The following DMD variants were observed in gnomAD, a reference collection of about 807,000 sequenced individuals.
The protein encoded by DMD is dystrophin.
A neutral mutation model predicts 330.1 loss-of-function variants in DMD; 63 were observed. That is an observed-to-expected ratio of 0.19 (90% CI 0.16 to 0.24). The LOEUF (loss-of-function observed/expected upper bound fraction) is 0.24, where lower values mean the gene tolerates loss of function less well. Ranked by LOEUF, DMD falls within the 10% of genes least tolerant of loss-of-function variation. The pLI is 1.00. For synonymous variants in DMD, 1,223 were observed against 959.8 expected, an observed-to-expected ratio of 1.27 and a Z score of -5.07; for missense variants, 3,344 against 2,684.1, an observed-to-expected ratio of 1.25 and a Z score of -5.43.
At chrX:33,083,488 A>G (rs1418673653) in intron 1 of DMD, among the ~76,000 whole-genome samples, 2 of 111,428 alleles carry the variant, frequency 1.8e-5, no homozygotes, top group African/African-American at 6.5e-5. Flanking sequence ...TGGGCAAGGG[A>G]AAGAGCAGAT....
chrX:31,180,275 C>A (rs1342950060), intron 69 of DMD, 95 bp downstream of exon 69: 3 of 647,119 alleles, frequency 4.6e-6, no homozygotes, highest in Non-Finnish European at 7.7e-6. Flanking sequence ...GGGGAAGTGA[C>A]AAATCACAGC....
chrX:32,932,363 T>G (rs1192190427), intron 2 of DMD, among the ~76,000 whole-genome samples: 1 of 112,130 alleles, frequency 8.9e-6, no homozygotes, highest in African/African-American at 3.2e-5. Context: ...AATAGCGATG[T>G]GTGTCATATT....
intron 27 of DMD, among the ~76,000 whole-genome samples, chrX:32,442,461 C>T (rs1224173420): frequency 9.0e-6 from 1 of 111,032 alleles, no homozygotes; most frequent in Admixed American, 9.6e-5. Context: ...CAATGAGATA[C>T]CATGTTGATT....
rs2037662130 is a variant in DMD, at chrX:31,153,191, C to A, written c.10554-5673G>T. Among the ~76,000 whole-genome samples, 4 of 111,803 alleles carry A rather than the reference C, an allele frequency of 3.6e-5. No homozygotes were observed. In the South Asian group the frequency reaches 1.5e-3, roughly 42 times the overall value. ...ATTGGTTCAGGTCCTGGTTTCAAGG[C>A]TGTGATGCTCTCTTTCCCAACTGCG... On this transcript the variant is annotated intron_variant, in intron 74 of 78. Transcript: ENST00000357033.
chrX:31,165,186 G>T (rs763007024), intron 74 of DMD, among the ~76,000 whole-genome samples: 1 of 112,030 alleles, frequency 8.9e-6, no homozygotes, highest in African/African-American at 3.2e-5. Flanking sequence ...TAATTCAGTG[G>T]TATCAGTAAC....
chrX:32,026,658 G>A (rs921885792), intron 44 of DMD, among the ~76,000 whole-genome samples: 6 of 111,965 alleles, frequency 5.4e-5, no homozygotes, highest in African/African-American at 1.6e-4. Context: ...CCCTTTCAAC[G>A]ATTAAAAAAT....
At chrX:33,091,096 C>A (rs1361217770) in intron 1 of DMD, among the ~76,000 whole-genome samples, 1 of 110,938 alleles carries the variant, frequency 9.0e-6, no homozygotes, top group Non-Finnish European at 1.9e-5. Flanking sequence ...ACTGAGAAAT[C>A]TCAAACACTA....
intron 44 of DMD, among the ~76,000 whole-genome samples, chrX:32,150,766 A>C (rs1358469219): frequency 8.9e-6 from 1 of 111,794 alleles, no homozygotes; most frequent in African/African-American, 3.3e-5. Context: ...TAGTGAGAGC[A>C]ATCAGTAAGT....
rs184130814 is a variant in DMD at position 31,537,374 on chromosome X, C to T, written c.8218-29921G>A. 3.6e-5 allele frequency among the ~76,000 whole-genome samples: 4 copies of T among 111,791 alleles called. No homozygotes were observed. In the East Asian group the frequency reaches 1.1e-3, roughly 31 times the overall value. ...AAACTTTGCCATTTTCCTGGGTTCA[C>T]TCCTAGGCCCTCTTCTCATCTACGA... On this transcript the variant is annotated intron_variant, in intron 55 of 78. Coordinates refer to ENST00000357033, the MANE Select transcript of DMD (RefSeq NM_004006.3).
intron 1 of DMD, among the ~76,000 whole-genome samples, chrX:33,100,698 C>CA (rs2095229718): frequency 9.0e-6 from 1 of 110,831 alleles, no homozygotes; most frequent in Admixed American, 9.7e-5. Context: ...TCTCAAAAAA[C>CA]AAAAAACAAA....
At chrX:31,404,494 C>G (rs2061328976) in intron 60 of DMD, among the ~76,000 whole-genome samples, 1 of 111,694 alleles carries the variant, frequency 9.0e-6, no homozygotes, top group Admixed American at 9.5e-5. Flanking sequence ...TGAACATGGA[C>G]AAAATGCAAT....
At chrX:31,529,941 T>C (rs983918046) in intron 55 of DMD, among the ~76,000 whole-genome samples, 10 of 110,405 alleles carry the variant, frequency 9.1e-5, no homozygotes, top group African/African-American at 3.3e-4. Flanking sequence ...CTACGACATC[T>C]ATTGTGTATT....
At chrX:31,682,423 A>G (rs1445746813) in intron 52 of DMD, among the ~76,000 whole-genome samples, 1 of 111,691 alleles carries the variant, frequency 9.0e-6, no homozygotes, top group Non-Finnish European at 1.9e-5. Flanking sequence ...CAGCTTTCGT[A>G]GTTGAGGCCT....
intron 60 of DMD, among the ~76,000 whole-genome samples, chrX:31,440,563 G>A (rs1483512147): frequency 1.8e-5 from 2 of 112,244 alleles, no homozygotes; most frequent in African/African-American, 6.5e-5. Context: ...CAAGTTATGT[G>A]ACTGTGACTG....
chrX:31,320,797 A>G (rs961181998), intron 62 of DMD, among the ~76,000 whole-genome samples: 9 of 112,252 alleles, frequency 8.0e-5, no homozygotes, highest in African/African-American at 2.9e-4. Context: ...CCCTAATTTC[A>G]AAGAGATTAT....
intron 2 of DMD, among the ~76,000 whole-genome samples, chrX:33,013,750 T>C (rs1326594195): frequency 1.8e-5 from 2 of 112,813 alleles, no homozygotes; most frequent in Admixed American, 1.9e-4. Context: ...TGTCCCAGTA[T>C]CATCCTTTTT....
chrX:33,316,867 G>A (rs939437257), intron 1 of DMD, among the ~76,000 whole-genome samples: 1 of 110,549 alleles, frequency 9.0e-6, no homozygotes, highest in Non-Finnish European at 1.9e-5. Context: ...ATATATCCCT[G>A]AAATTATTTA....
intron 51 of DMD, among the ~76,000 whole-genome samples, chrX:31,737,289 T>C (rs1309346814): frequency 3.6e-5 from 4 of 112,277 alleles, no homozygotes; most frequent in Non-Finnish European, 7.5e-5. Context: ...TATGATATAA[T>C]ATAGGAATGG....
intron 44 of DMD, among the ~76,000 whole-genome samples, chrX:31,972,745 T>C (rs1402865417): frequency 1.8e-5 from 2 of 111,870 alleles, no homozygotes; most frequent in South Asian, 3.7e-4. Flanking sequence ...TTGAGACAGG[T>C]AAATCATTAA....
Sources: gnomAD v4.1 joint callset for allele counts (sites outside exome capture counted in the v4.1 genomes callset) on GRCh38, gnomAD v4.1.1 for gene constraint, MANE v1.5 for transcripts, NCBI Gene and HGNC (gene_info 2026-07-23, HGNC 2026-07-21) for gene names.